Variants in DLEC1 observed in about 807,000 individuals in gnomAD.
DLEC1 encodes DLEC1 cilia and flagella associated protein.
Under a neutral mutation model 198.1 loss-of-function variants are expected in DLEC1, and 146 were observed. The observed-to-expected ratio is 0.74, with a 90% CI of 0.64 to 0.85. The LOEUF is 0.85. DLEC1 is among the 40% of genes least tolerant of loss of function. The pLI, the probability that DLEC1 is intolerant of heterozygous loss-of-function variation, is 0.00. For missense variants in DLEC1, 2,233 were observed against 2,220.0 expected (o/e 1.01, Z -0.12); for synonymous variants, 897 against 866.8 (o/e 1.03, Z -0.61).
Position 38,110,199 on chromosome 3 carries a change from C to T in DLEC1, c.3361C>T (p.Arg1121Cys), listed in dbSNP as rs199805261. The T allele has an allele frequency of 1.3e-4, 213 of 1,614,086 alleles. No homozygotes were observed. Among genetic ancestry groups the T allele is most frequent in the Non-Finnish European group, 1.2e-4 (138 of 1,180,040 alleles). Residue 1121 changes from arginine to cysteine, a missense_variant, in exon 23 of 37, where the codon CGC (arginine) becomes TGC (cysteine). By Grantham distance (180) the Arg-to-Cys change is radical. Transcript: ENST00000308059. ...GACTCGCCAGCTCATTCTCACCAAT[C>T]GCTCCCCAATACGGACCCGTTTCTC... Reference protein sequence around the residue: ...RVTRQLILTNRSPIRTRFSLK... With the variant: ...RVTRQLILTNCSPIRTRFSLK...
rs545284029 is a variant in DLEC1 at position 38,100,737 on chromosome 3, C to T, written c.2864+312C>T. 3.3e-5 allele frequency among the ~76,000 whole-genome samples: 5 copies of T among 152,236 alleles called. No individual in the cohort carries two copies. In the South Asian group the frequency reaches 1.0e-3, roughly 32 times the overall value. ...GTGTTTGCCCTTCTGAGTATACTCC[C>T]AGGGAAATCCTTATACATGCACAGT... is the stretch of plus-strand genomic sequence containing the variant. On this transcript the variant is annotated intron_variant, in intron 19 of 36. Coordinates refer to ENST00000308059, the MANE Select transcript of DLEC1 (RefSeq NM_007335.4).
chr3:38,087,490 TGC>T (rs1316638015), intron 9 of DLEC1, among the ~76,000 whole-genome samples: 1 of 136,454 alleles, frequency 7.3e-6, no homozygotes, highest in African/African-American at 2.9e-5. Flanking sequence ...TCCATCAGCA[TGC>T]TCACACCATC....
intron 10 of DLEC1, among the ~76,000 whole-genome samples, chr3:38,089,504 T>C (rs1243352291): frequency 6.6e-6 from 1 of 152,186 alleles, no homozygotes; most frequent in Non-Finnish European, 1.5e-5. Flanking sequence ...GATGAGAAAC[T>C]AGTTCTTGGG....
rs577920853 is a variant in DLEC1 at position 38,122,777 on chromosome 3, G to GAATT, written c.*368_*371dup. The stretch of plus-strand genomic sequence containing the variant: ...CATCCATGGATTTGCCTTGCCTTAA[G>GAATT]AATTAACCATGGCCTTGTGGCCTGG... On this transcript the variant is annotated 3_prime_UTR_variant, in exon 37 of 37. Transcript: ENST00000308059. 7.5e-4 allele frequency: 880 copies of GAATT among 1,176,362 alleles called. 7 individuals are homozygous for GAATT. The African/African-American group carries it at 0.012, about 16-fold the overall frequency. The allele number at this position is 1,176,362 out of a possible 1,614,324, so 72.9% of individuals were successfully genotyped here.
At chr3:38,088,244 A>G in intron 9 of DLEC1, 52 bp from the exon 10 acceptor site, 4 of 1,516,346 alleles carry the variant, frequency 2.6e-6, no homozygotes, top group Non-Finnish European at 3.6e-6. Context: ...CAATCTGAAT[A>G]CTGGCTTTTA....
intron 8 of DLEC1, among the ~76,000 whole-genome samples, chr3:38,085,810 T>C (rs1189129422): frequency 1.3e-5 from 2 of 152,118 alleles, no homozygotes; most frequent in Non-Finnish European, 2.9e-5. Context: ...AGGTCGTCGT[T>C]GTCCTCGTGG....
In DLEC1 at chr3:38,121,698, C is replaced by T. The variant is rs1285709748; in HGVS notation, c.4937C>T (p.Thr1646Ile). ...QLSTSWVDFGTCFVSQQRVRE... is the reference protein window; with the variant it reads ...QLSTSWVDFGICFVSQQRVRE... ...TCCACCAGCTGGGTGGACTTTGGGACCTGCTTTGTGAGCCAGCAGCGAGTC... is the reference window on the plus strand; with the variant it reads ...TCCACCAGCTGGGTGGACTTTGGGATCTGCTTTGTGAGCCAGCAGCGAGTC... Residue 1646 changes from threonine (T) to isoleucine (I), a missense_variant, in exon 35 of 37, where the codon ACC becomes ATC. Thr to Ile is a moderately conservative substitution (Grantham distance 89). Coordinates refer to ENST00000308059, the MANE Select transcript of DLEC1 (RefSeq NM_007335.4). The T allele has an allele frequency of 6.2e-7, 1 of 1,614,066 alleles. No individual in the cohort carries two copies. The highest frequency in any genetic ancestry group is 8.5e-7 in the Non-Finnish European group (1 of 1,179,972).
At chr3:38,040,397 G>A (rs556424119) in intron 1 of DLEC1, among the ~76,000 whole-genome samples, 1 of 152,232 alleles carries the variant, frequency 6.6e-6, no homozygotes, top group African/African-American at 2.4e-5. Context: ...GCCAGTGTTC[G>A]GGCACACCCA....
intron 23 of DLEC1, 101 bp from the exon 24 acceptor site, chr3:38,111,576 T>C: frequency 1.5e-6 from 2 of 1,309,728 alleles, no homozygotes; most frequent in Non-Finnish European, 2.1e-6. Flanking sequence ...CACCTTCCTC[T>C]GCTGGGCACC....
At chr3:38,053,130 C>T (rs1214525145) in intron 2 of DLEC1, among the ~76,000 whole-genome samples, 6 of 152,168 alleles carry the variant, frequency 3.9e-5, no homozygotes, top group African/African-American at 1.2e-4. Context: ...GGCGTGATCT[C>T]GGCTCGCTAC....
intron 23 of DLEC1, among the ~76,000 whole-genome samples, chr3:38,111,457 G>A (rs1397266354): frequency 6.6e-6 from 1 of 152,194 alleles, no homozygotes; most frequent in African/African-American, 2.4e-5. Context: ...CTGGCGGGTG[G>A]CCCGCAGCTG....
chr3:38,081,557 T>C (rs1697996528), intron 6 of DLEC1, among the ~76,000 whole-genome samples: 1 of 91,992 alleles, frequency 1.1e-5, no homozygotes, highest in African/African-American at 5.1e-5. Flanking sequence ...ATGGGGCGGC[T>C]GGCCGGGCAG....
At chr3:38,064,517 C>T (rs1696888771) in intron 6 of DLEC1, among the ~76,000 whole-genome samples, 1 of 152,228 alleles carries the variant, frequency 6.6e-6, no homozygotes, top group Non-Finnish European at 1.5e-5. Flanking sequence ...TCTCCATGAG[C>T]TATTGGGTAC....
At chr3:38,118,070 CAT>C (rs756049334) in intron 33 of DLEC1, 46 bp downstream of exon 33, 23 of 1,548,302 alleles carry the variant, frequency 1.5e-5, no homozygotes, top group Non-Finnish European at 1.8e-5. Context: ...CACACCCTCA[CAT>C]GTGTACAGAC....
At chr3:38,046,373 A>G (rs1700888137) in intron 2 of DLEC1, among the ~76,000 whole-genome samples, 2 of 152,146 alleles carry the variant, frequency 1.3e-5, no homozygotes, top group African/African-American at 4.8e-5. Flanking sequence ...TCATGGGGGC[A>G]GGTTTTTCCC....
At chr3:38,076,178 G>T (rs1279696041) in intron 6 of DLEC1, among the ~76,000 whole-genome samples, 1 of 152,146 alleles carries the variant, frequency 6.6e-6, no homozygotes, top group Non-Finnish European at 1.5e-5. Flanking sequence ...AGAGGTTGAG[G>T]GATAGTGAGG....
intron 7 of DLEC1, among the ~76,000 whole-genome samples, chr3:38,084,621 T>TGGTGGTGGTAGTGGTGGTG (rs1553617798): frequency 4.0e-5 from 5 of 126,386 alleles, no homozygotes; most frequent in Admixed American, 8.2e-5. Context: ...GTAGCAGTAC[T>TGGTGGTGGTAGTGGTGGTG]GCTACTACTT....
intron 7 of DLEC1, among the ~76,000 whole-genome samples, chr3:38,084,448 T>TAGTAGTAGTGGTAGTAGTAGTAGTGGGGG (rs1698279048): frequency 2.1e-5 from 3 of 144,688 alleles, no homozygotes; most frequent in African/African-American, 7.7e-5. Flanking sequence ...GTGGTGGTGG[T>TAGTAGTAGTGGTAGTAGTAGTAGTGGGGG]GGTGGTAGTA....
intron 6 of DLEC1, 138 bp from the exon 7 acceptor site, chr3:38,084,020 T>G (rs1698208705): frequency 2.8e-6 from 2 of 709,126 alleles, no homozygotes; most frequent in Non-Finnish European, 4.7e-6. Flanking sequence ...TCAGCCAGCT[T>G]CGACAGTTAC....
Sources: allele counts gnomAD v4.1 joint callset (sites outside exome capture counted in the v4.1 genomes callset), GRCh38; gene constraint gnomAD v4.1.1; transcripts MANE v1.5; gene names NCBI Gene and HGNC (gene_info 2026-07-23, HGNC 2026-07-21).